Variants in TMEM116 observed in about 807,000 individuals in gnomAD.
The protein encoded by TMEM116 is transmembrane protein 116.
A neutral mutation model predicts 44.3 loss-of-function variants in TMEM116; 38 were observed. The observed-to-expected ratio is 0.86, with a 90% CI of 0.66 to 1.12. The LOEUF is 1.12. Ranked by LOEUF, TMEM116 falls within the 50% of genes most tolerant of loss-of-function variation. TMEM116 has a pLI of 0.00. For missense variants in TMEM116, 354 were observed against 401.7 expected, an observed-to-expected ratio of 0.88 and a Z score of 1.01; for synonymous variants, 132 against 144.8, an observed-to-expected ratio of 0.91 and a Z score of 0.64.
chr12:111,976,120 T>A (rs2075657108), intron 4 of TMEM116, among the ~76,000 whole-genome samples: 1 of 151,952 alleles, frequency 6.6e-6, no homozygotes, highest in African/African-American at 2.4e-5. Flanking sequence ...GGGATTCTCC[T>A]GTCTCAGCCT....
intron 3 of TMEM116, 50 bp downstream of exon 3, chr12:112,003,750 A>C (rs147094406): frequency 8.1e-6 from 12 of 1,488,364 alleles, no homozygotes; most frequent in Admixed American, 2.7e-5. Context: ...TTTGTTTCAG[A>C]GACTAGGTCA....
chr12:111,975,556 A>G (rs2075621741), intron 4 of TMEM116, among the ~76,000 whole-genome samples: 2 of 152,224 alleles, frequency 1.3e-5, no homozygotes, highest in Non-Finnish European at 2.9e-5. Flanking sequence ...ATACTGCCTA[A>G]TTTCAAGAAA....
chr12:111,969,529 G>GGACT (rs1721137608), intron 4 of TMEM116, among the ~76,000 whole-genome samples: 1 of 151,848 alleles, frequency 6.6e-6, no homozygotes, highest in South Asian at 2.1e-4. Context: ...CGAATAGGTG[G>GGACT]GACTACCTGG....
intron 1 of TMEM116, among the ~76,000 whole-genome samples, chr12:112,009,332 TGA>T (rs1015314832): frequency 2.0e-5 from 3 of 152,122 alleles, no homozygotes; most frequent in East Asian, 1.9e-4. Flanking sequence ...GAGAAAAATT[TGA>T]GAGTTCATGT....
chr12:111,938,130 A>C (rs2072323421), intron 6 of TMEM116, 31 bp downstream of exon 6: 2 of 1,517,060 alleles, frequency 1.3e-6, no homozygotes, highest in Non-Finnish European at 1.8e-6. Context: ...GAGAGTCTAC[A>C]CCTCGCTAAG....
chr12:111,949,299 A>G (rs1421277942), intron 4 of TMEM116, among the ~76,000 whole-genome samples: 4 of 152,222 alleles, frequency 2.6e-5, no homozygotes, highest in Non-Finnish European at 5.9e-5. Flanking sequence ...TCTTATTCTT[A>G]TAACAATATA....
In TMEM116 at chr12:111,931,345, T is replaced by C. The variant is rs1202465216; in HGVS notation, c.*276A>G. 1 of 432,768 alleles carries C rather than the reference T, an allele frequency of 2.3e-6. No individual in the cohort carries two copies. The highest frequency in any genetic ancestry group is 4.1e-6 in the Non-Finnish European group (1 of 242,338). 26.8% of individuals were successfully genotyped at this position (432,768 alleles called of 1,614,324 possible). A position where few individuals can be genotyped will look rare whatever the true frequency, so the allele number is the denominator to read the frequency against. On this transcript the variant is annotated 3_prime_UTR_variant, in exon 11 of 11. Transcript: ENST00000552374. Reference sequence around the variant, plus strand: ...TTTTTCTAGAAGAGACTTAGACAAATCCAATATCCATCAAGGTAACACGAG... The same window carrying C: ...TTTTTCTAGAAGAGACTTAGACAAACCCAATATCCATCAAGGTAACACGAG...
intron 4 of TMEM116, among the ~76,000 whole-genome samples, chr12:111,956,043 T>C (rs1383828832): frequency 6.6e-6 from 1 of 152,208 alleles, no homozygotes; most frequent in Non-Finnish European, 1.5e-5. Context: ...GTTCAAAAAT[T>C]CACTTTGCTT....
At chr12:111,960,799 TAGC>T (rs1439942183) in intron 4 of TMEM116, among the ~76,000 whole-genome samples, 1 of 151,956 alleles carries the variant, frequency 6.6e-6, no homozygotes, top group Non-Finnish European at 1.5e-5. Flanking sequence ...ATTCAAAAGC[TAGC>T]AGAACACAAG....
chr12:111,938,447 A>T (rs2072360728), intron 5 of TMEM116, among the ~76,000 whole-genome samples: 1 of 152,210 alleles, frequency 6.6e-6, no homozygotes, highest in Admixed American at 6.5e-5. Context: ...ACAACAACAA[A>T]GCCACAAAGA....
intron 4 of TMEM116, among the ~76,000 whole-genome samples, chr12:111,983,226 A>G (rs956154699): frequency 6.6e-6 from 1 of 152,188 alleles, no homozygotes; most frequent in Non-Finnish European, 1.5e-5. Flanking sequence ...ACCTGGGGTC[A>G]GGAGTCTGAG....
rs1163897656 is a variant in TMEM116, at chr12:111,931,495, A to C, written c.*126T>G. 1 of 845,362 alleles carries C rather than the reference A, an allele frequency of 1.2e-6. No homozygotes were observed. Among genetic ancestry groups the C allele is most frequent in the African/African-American group, 1.7e-5 (1 of 58,686 alleles). 52.4% of individuals were successfully genotyped at this position (845,362 alleles called of 1,614,324 possible). On this transcript the variant is annotated 3_prime_UTR_variant, in exon 11 of 11. Coordinates refer to ENST00000552374, the MANE Select transcript of TMEM116 (RefSeq NM_001193531.2). ...TAGAATGACTACTAACAATGGCACT[A>C]TATTTCCTTTGAGTTCTGCAGTTTA...
rs149171663 is a variant in TMEM116 at position 111,933,982 on chromosome 12, T to G, written c.637A>C (p.Thr213Pro). 3 of 1,614,044 alleles carry G rather than the reference T, an allele frequency of 1.9e-6. No individual in the cohort carries two copies. Among genetic ancestry groups the G allele is most frequent in the African/African-American group, 2.7e-5 (2 of 74,904 alleles). ...CACTGTTCACTCCCCAGAAAGCCAGTTGACTTCACAAACTTCTTATACAAT... is the reference window on the plus strand; with the variant it reads ...CACTGTTCACTCCCCAGAAAGCCAGGTGACTTCACAAACTTCTTATACAAT... ...QTLYKKFVKSTGFLGSEQWAV... is the reference protein window; with the variant it reads ...QTLYKKFVKSPGFLGSEQWAV... Residue 213 changes from threonine to proline, a missense_variant, in exon 9 of 11, where the codon ACT becomes CCT. Coordinates refer to ENST00000552374, the MANE Select transcript of TMEM116 (RefSeq NM_001193531.2).
chr12:111,991,958 C>T, intron 3 of TMEM116, 69 bp from the exon 4 acceptor site: 2 of 1,438,982 alleles, frequency 1.4e-6, no homozygotes, highest in Non-Finnish European at 1.8e-6. Flanking sequence ...TGTAACAGTT[C>T]TTACATTTTA....
intron 4 of TMEM116, among the ~76,000 whole-genome samples, chr12:111,959,579 G>A (rs1337210086): frequency 1.3e-5 from 2 of 152,124 alleles, no homozygotes; most frequent in Non-Finnish European, 2.9e-5. Context: ...AAGACCCATT[G>A]GTGTACTGTA....
chr12:112,009,807 C>T (rs2077755456), intron 1 of TMEM116, among the ~76,000 whole-genome samples: 1 of 150,628 alleles, frequency 6.6e-6, no homozygotes, highest in East Asian at 1.9e-4. Context: ...GATCAGGCCT[C>T]TGAACTCCAG....
intron 9 of TMEM116, 70 bp from the exon 10 acceptor site, chr12:111,932,729 C>T (rs964044680): frequency 1.4e-5 from 17 of 1,186,924 alleles, no homozygotes; most frequent in East Asian, 4.7e-5. Context: ...CCTCCACACA[C>T]GTCTGAGCAT....
Position 111,944,548 on chromosome 12 carries a change from C to G in TMEM116, c.211-1179G>C, listed in dbSNP as rs145020535. Among the ~76,000 whole-genome samples the G allele has an allele frequency of 2.1e-3, 323 of 152,182 alleles. 1 individual carries two copies. Among genetic ancestry groups the G allele is most frequent in the African/African-American group, 7.4e-3 (307 of 41,530 alleles). On this transcript the variant is annotated intron_variant, in intron 4 of 10. Coordinates refer to ENST00000552374, the MANE Select transcript of TMEM116 (RefSeq NM_001193531.2). ...AGGGGGAATCCAAACAGACCACTGT[C>G]TTGGTGAGCTGAGCGACAGAATTCA...
intron 4 of TMEM116, among the ~76,000 whole-genome samples, chr12:111,966,268 T>G (rs909014200): frequency 6.6e-6 from 1 of 152,106 alleles, no homozygotes; most frequent in Admixed American, 6.6e-5. Flanking sequence ...ATTGCACCAC[T>G]GCACTCCAGC....
Sources: allele counts gnomAD v4.1 joint callset (sites outside exome capture counted in the v4.1 genomes callset), GRCh38; gene constraint gnomAD v4.1.1; transcripts MANE v1.5; gene names NCBI Gene and HGNC (gene_info 2026-07-23, HGNC 2026-07-21).